The following CSMD1 variants were observed in gnomAD, a reference collection of about 807,000 sequenced individuals.
CSMD1 encodes CUB and Sushi multiple domains 1.
Under a neutral mutation model 417.5 loss-of-function variants are expected in CSMD1, and 213 were observed. The observed-to-expected ratio is 0.51, with a 90% confidence interval of 0.46 to 0.57. The LOEUF (loss-of-function observed/expected upper bound fraction) is 0.57, where lower values mean the gene tolerates loss of function less well. Among genes scored for constraint, CSMD1 ranks in the 20% least tolerant of loss-of-function variants. CSMD1 has a pLI of 0.00. For synonymous variants in CSMD1, 2,862 were observed against 1,736.8 expected, an observed-to-expected ratio of 1.65 and a Z score of -16.11; for missense variants, 6,923 against 4,529.7, an observed-to-expected ratio of 1.53 and a Z score of -15.17.
chr8:3,548,813 T>G (rs1361487649), intron 10 of CSMD1, among the ~76,000 whole-genome samples: 2 of 152,036 alleles, frequency 1.3e-5, no homozygotes, highest in African/African-American at 2.4e-5. Context: ...CTAAGCCCTT[T>G]CAGAGCAAAG....
chr8:4,041,096 A>T (rs547494496), intron 3 of CSMD1, among the ~76,000 whole-genome samples: 1 of 140,978 alleles, frequency 7.1e-6, no homozygotes, highest in Non-Finnish European at 1.5e-5. Context: ...GGCTCACTGC[A>T]AGCTCCGCCT....
chr8:4,308,517 G>A (rs1359545807), intron 3 of CSMD1, among the ~76,000 whole-genome samples: 3 of 152,226 alleles, frequency 2.0e-5, no homozygotes, highest in Admixed American at 6.5e-5. Context: ...GTACTTCAGA[G>A]ACCCTGCTGT....
chr8:4,332,749 C>A (rs952781476), intron 3 of CSMD1, among the ~76,000 whole-genome samples: 1 of 151,886 alleles, frequency 6.6e-6, no homozygotes, highest in Non-Finnish European at 1.5e-5. Flanking sequence ...TTCTTAGACA[C>A]ATATGTAATG....
At chr8:4,000,360 T>A (rs1458809917) in intron 4 of CSMD1, among the ~76,000 whole-genome samples, 3 of 152,258 alleles carry the variant, frequency 2.0e-5, no homozygotes, top group Non-Finnish European at 4.4e-5. Flanking sequence ...GGGAATGTGA[T>A]CATACATATA....
chr8:4,198,320 C>G (rs996165219), intron 3 of CSMD1, among the ~76,000 whole-genome samples: 2 of 152,240 alleles, frequency 1.3e-5, no homozygotes, highest in South Asian at 2.1e-4. Flanking sequence ...GCAAGCCCGA[C>G]AAGAGTACGT....
chr8:3,884,076 T>G (rs902476811), intron 5 of CSMD1, among the ~76,000 whole-genome samples: 3 of 152,212 alleles, frequency 2.0e-5, no homozygotes, highest in Non-Finnish European at 2.9e-5. Flanking sequence ...AAATCATTAT[T>G]TTCCAATAAA....
intron 3 of CSMD1, among the ~76,000 whole-genome samples, chr8:4,189,078 G>C (rs1015142723): frequency 6.6e-6 from 1 of 152,184 alleles, no homozygotes; most frequent in South Asian, 2.1e-4. Flanking sequence ...TAATTATCTA[G>C]TAATGAAAAT....
intron 26 of CSMD1, among the ~76,000 whole-genome samples, chr8:3,239,868 C>T (rs11136591): frequency 2.6e-5 from 4 of 151,876 alleles, no homozygotes; most frequent in Admixed American, 2.6e-4. Context: ...GTGTGGTATC[C>T]AGAATAATGT....
chr8:4,313,279 A>G (rs1798731702), intron 3 of CSMD1, among the ~76,000 whole-genome samples: 1 of 152,132 alleles, frequency 6.6e-6, no homozygotes, highest in Non-Finnish European at 1.5e-5. Context: ...TGCCCCAGGA[A>G]GAGAATGCGA....
intron 12 of CSMD1, among the ~76,000 whole-genome samples, chr8:3,446,013 T>C (rs1429393056): frequency 2.0e-5 from 3 of 152,064 alleles, no homozygotes; most frequent in Admixed American, 1.3e-4. Context: ...AAGTCAAAAA[T>C]ACTGTCCCGG....
At chr8:4,871,259 C>T (rs909055119) in intron 1 of CSMD1, among the ~76,000 whole-genome samples, 2 of 151,806 alleles carry the variant, frequency 1.3e-5, no homozygotes, top group African/African-American at 4.9e-5. Flanking sequence ...TGTGACAGCC[C>T]ATTTTCTTAG....
At chr8:3,969,635 T>C (rs541205134) in intron 5 of CSMD1, among the ~76,000 whole-genome samples, 2 of 152,298 alleles carry the variant, frequency 1.3e-5, no homozygotes, top group South Asian at 2.1e-4. Flanking sequence ...TTTAAGAAAA[T>C]GCTACCACAT....
chr8:4,932,359 G>A (rs1402224978), intron 1 of CSMD1, among the ~76,000 whole-genome samples: 2 of 151,304 alleles, frequency 1.3e-5, no homozygotes, highest in Non-Finnish European at 1.5e-5. Context: ...AACACTCAAA[G>A]TCTGATTTCA....
intron 3 of CSMD1, among the ~76,000 whole-genome samples, chr8:4,042,554 C>A (rs137879570): frequency 6.6e-6 from 1 of 152,114 alleles, no homozygotes; most frequent in African/African-American, 2.4e-5. Context: ...TAAAATGAGT[C>A]ATTCCAGCGG....
chr8:3,604,271 A>C (rs1801498893), intron 8 of CSMD1, among the ~76,000 whole-genome samples: 1 of 152,186 alleles, frequency 6.6e-6, no homozygotes. Context: ...CAGTGCTAGA[A>C]AGTCAAAGGC....
At chr8:4,352,557 C>A (rs1271350272) in intron 3 of CSMD1, among the ~76,000 whole-genome samples, 1 of 152,190 alleles carries the variant, frequency 6.6e-6, no homozygotes, top group Non-Finnish European at 1.5e-5. Context: ...TCTATGTCAT[C>A]CTTTCATTTT....
In CSMD1 at chr8:3,399,376, T is replaced by G. The variant is rs374251048; in HGVS notation, c.2405+15A>C. 1 of 1,589,310 alleles carries G rather than the reference T, an allele frequency of 6.3e-7. No homozygotes were observed. The highest frequency in any genetic ancestry group is 2.3e-5 in the East Asian group (1 of 44,358). ...CACACCATTGGGTCCAAATGAAGAC[T>G]AATTTTTTTCTTACCTGTCAAAAGT... On this transcript the variant is annotated intron_variant, in intron 16 of 69. Coordinates refer to ENST00000635120, the MANE Select transcript of CSMD1 (RefSeq NM_033225.6).
At chr8:4,350,386 T>C (rs1408356335) in intron 3 of CSMD1, among the ~76,000 whole-genome samples, 2 of 152,170 alleles carry the variant, frequency 1.3e-5, no homozygotes, top group African/African-American at 4.8e-5. Context: ...GTGTTATAAA[T>C]GAAATGCACA....
intron 5 of CSMD1, among the ~76,000 whole-genome samples, chr8:3,966,192 G>A (rs891301430): frequency 6.6e-6 from 1 of 152,082 alleles, no homozygotes; most frequent in Non-Finnish European, 1.5e-5. Context: ...AGGTACCACG[G>A]TATAAAATAT....
Sources: gnomAD v4.1 joint callset for allele counts (sites outside exome capture counted in the v4.1 genomes callset) on GRCh38, gnomAD v4.1.1 for gene constraint, MANE v1.5 for transcripts, NCBI Gene and HGNC (gene_info 2026-07-23, HGNC 2026-07-21) for gene names.